The following MSI2 variants were observed in gnomAD, a reference collection of about 807,000 sequenced individuals.
MSI2 encodes RNA-binding protein Musashi homolog 2.
In MSI2, 17 loss-of-function variants were observed where a neutral mutation model predicts 45.6. The observed-to-expected ratio is 0.37, with a 90% CI of 0.26 to 0.56. The LOEUF (loss-of-function observed/expected upper bound fraction) is 0.56. Ranked by LOEUF, MSI2 falls within the 20% of genes least tolerant of loss-of-function variation. The probability of loss-of-function intolerance (pLI) is 0.77; values close to 1 mark genes in which losing one functional copy is unlikely to be tolerated. For missense variants in MSI2, 293 were observed against 444.2 expected, an observed-to-expected ratio of 0.66 and a Z score of 3.06; for synonymous variants, 156 against 158.2, an observed-to-expected ratio of 0.99 and a Z score of 0.11.
intron 6 of MSI2, among the ~76,000 whole-genome samples, chr17:57,518,537 C>T (rs1357633890): frequency 2.0e-5 from 3 of 152,232 alleles, no homozygotes; most frequent in Non-Finnish European, 2.9e-5. Flanking sequence ...CGGTCAGAGT[C>T]GTGGAGATCC....
chr17:57,613,005 C>G (rs1338940719), intron 8 of MSI2, among the ~76,000 whole-genome samples: 7 of 152,144 alleles, frequency 4.6e-5, no homozygotes, highest in Non-Finnish European at 7.3e-5. Flanking sequence ...CCAGTTTTCA[C>G]CCCTGGGCTT....
At chr17:57,411,455 C>T (rs534290611) in intron 6 of MSI2, among the ~76,000 whole-genome samples, 206 of 152,286 alleles carry the variant, frequency 1.4e-3, no homozygotes, top group African/African-American at 4.7e-3. Context: ...TTGCCCGAAC[C>T]GTTCATGTAT....
chr17:57,504,786 GC>G (rs1399534678), intron 6 of MSI2, among the ~76,000 whole-genome samples: 1 of 152,066 alleles, frequency 6.6e-6, no homozygotes, highest in African/African-American at 2.4e-5. Context: ...CGAAAAATTA[GC>G]CGGGCAGGTG....
intron 5 of MSI2, among the ~76,000 whole-genome samples, chr17:57,347,928 A>G (rs1006984716): frequency 2.0e-5 from 3 of 152,226 alleles, no homozygotes; most frequent in Non-Finnish European, 4.4e-5. Flanking sequence ...GACTATGGCG[A>G]TAGAGCGGTG....
At chr17:57,548,897 T>TC (rs2087233427) in intron 7 of MSI2, among the ~76,000 whole-genome samples, 6 of 122,598 alleles carry the variant, frequency 4.9e-5, no homozygotes, top group Middle Eastern at 3.8e-3. Flanking sequence ...TTGTTTACCC[T>TC]TCCCCCCCCC....
chr17:57,572,182 A>G (rs146984503), intron 7 of MSI2, among the ~76,000 whole-genome samples: 3 of 152,340 alleles, frequency 2.0e-5, no homozygotes, highest in Non-Finnish European at 4.4e-5. Context: ...TGGCATCACC[A>G]AGGAGGAATG....
chr17:57,291,308 T>C (rs1390033568), intron 5 of MSI2, among the ~76,000 whole-genome samples: 2 of 152,238 alleles, frequency 1.3e-5, no homozygotes, highest in African/African-American at 4.8e-5. Context: ...GTGATCAGCA[T>C]CCCGGAGTGT....
At chr17:57,426,272 G>T (rs1036015140) in intron 6 of MSI2, among the ~76,000 whole-genome samples, 2 of 152,246 alleles carry the variant, frequency 1.3e-5, no homozygotes, top group African/African-American at 4.8e-5. Flanking sequence ...TATAGCTGAA[G>T]ACAAATACTG....
chr17:57,534,850 A>G (rs745919711), intron 7 of MSI2, among the ~76,000 whole-genome samples: 2 of 152,202 alleles, frequency 1.3e-5, no homozygotes, highest in Non-Finnish European at 2.9e-5. Context: ...GAGTCACTTC[A>G]TTTGCTGTCT....
intron 7 of MSI2, among the ~76,000 whole-genome samples, chr17:57,578,064 A>G (rs71372807): frequency 0.026 from 3,979 of 152,126 alleles, 83 homozygotes; most frequent in Non-Finnish European, 0.041. Flanking sequence ...TGAAACTCCA[A>G]TCTGTCTGCC....
chr17:57,272,648 G>A (rs1186530695), intron 5 of MSI2, among the ~76,000 whole-genome samples: 1 of 152,186 alleles, frequency 6.6e-6, no homozygotes, highest in Non-Finnish European at 1.5e-5. Flanking sequence ...CTGCAACCTT[G>A]GGGGTAGAAG....
chr17:57,674,125 G>A (rs1018922190), intron 11 of MSI2, among the ~76,000 whole-genome samples: 1 of 150,834 alleles, frequency 6.6e-6, no homozygotes, highest in African/African-American at 2.4e-5. Flanking sequence ...CACCCCAAAA[G>A]GAAACTCTCT....
intron 5 of MSI2, among the ~76,000 whole-genome samples, chr17:57,296,548 G>A (rs1322593191): frequency 1.3e-5 from 2 of 152,070 alleles, no homozygotes; most frequent in South Asian, 2.1e-4. Flanking sequence ...TTAAGTCTTT[G>A]CCCAGAGTAC....
chr17:57,399,908 A>G (rs1429731460), intron 5 of MSI2, among the ~76,000 whole-genome samples: 1 of 152,132 alleles, frequency 6.6e-6, no homozygotes, highest in Non-Finnish European at 1.5e-5. Flanking sequence ...CCCTGGTGTC[A>G]CTCACCTCAG....
At chr17:57,331,904 A>G (rs1246132604) in intron 5 of MSI2, among the ~76,000 whole-genome samples, 1 of 152,200 alleles carries the variant, frequency 6.6e-6, no homozygotes, top group Non-Finnish European at 1.5e-5. Context: ...AGTTGCTTTT[A>G]GTGTTACAAC....
At chr17:57,579,414 C>T (rs188375244) in intron 7 of MSI2, among the ~76,000 whole-genome samples, 5 of 152,176 alleles carry the variant, frequency 3.3e-5, no homozygotes, top group Non-Finnish European at 7.4e-5. Context: ...GTTGGAGACC[C>T]AGGTCTTGCC....
chr17:57,536,602 A>G (rs2086925495), intron 7 of MSI2, among the ~76,000 whole-genome samples: 1 of 152,214 alleles, frequency 6.6e-6, no homozygotes. Flanking sequence ...GGTGTTAAGT[A>G]TCCATCAAAT....
intron 5 of MSI2, among the ~76,000 whole-genome samples, chr17:57,289,841 C>G (rs4794718): frequency 0.78 from 119,334 of 152,276 alleles, 47,125 homozygotes; most frequent in Middle Eastern, 0.86. Context: ...CGCTGAATCA[C>G]GTTGGTGGGA....
intron 11 of MSI2, among the ~76,000 whole-genome samples, chr17:57,669,230 GTCCCCAATTCTGT>G (rs1912594838): frequency 6.6e-6 from 1 of 152,234 alleles, no homozygotes; most frequent in Non-Finnish European, 1.5e-5. Context: ...GCAGAATGGG[GTCCCCAATTCTGT>G]TCCCCAGGAA....
Sources: allele counts gnomAD v4.1 joint callset (sites outside exome capture counted in the v4.1 genomes callset), GRCh38; gene constraint gnomAD v4.1.1; transcripts MANE v1.5; gene names NCBI Gene and HGNC (gene_info 2026-07-23, HGNC 2026-07-21).